The following PLXNA4 variants were observed in gnomAD, a reference collection of about 807,000 sequenced individuals.
PLXNA4 encodes the protein plexin-A4.
A neutral mutation model predicts 191.8 loss-of-function variants in PLXNA4; 44 were observed. The ratio of observed to expected loss-of-function variants is 0.23; its 90% CI spans 0.18 to 0.29. The LOEUF is 0.29. Ranked by LOEUF, PLXNA4 falls within the 10% of genes least tolerant of loss-of-function variation. The pLI, the probability that PLXNA4 is intolerant of heterozygous loss-of-function variation, is 1.00. For synonymous variants in PLXNA4, 1,082 were observed against 1,009.5 expected, an observed-to-expected ratio of 1.07 and a Z score of -1.36; for missense variants, 1,800 against 2,488.8, an observed-to-expected ratio of 0.72 and a Z score of 5.89.
intron 30 of PLXNA4, among the ~76,000 whole-genome samples, chr7:132,134,405 T>G (rs924143028): frequency 1.3e-5 from 2 of 152,144 alleles, no homozygotes; most frequent in Non-Finnish European, 2.9e-5. Flanking sequence ...ATCTCAGTCA[T>G]CAGCTCAAGG....
At chr7:132,437,407 T>A (rs954603240) in intron 3 of PLXNA4, among the ~76,000 whole-genome samples, 1 of 152,124 alleles carries the variant, frequency 6.6e-6, no homozygotes. Context: ...TGTGTGTGCA[T>A]GTTTGCATGC....
Position 132,201,346 on chromosome 7 carries a change from G to A in PLXNA4, c.2586+1300C>T, listed in dbSNP as rs73723733. ...GCAGCCCTGGGACCCTAATAGAACA[G>A]GTAGTTGTTTGGACTGACAAGGTAA... On this transcript the variant is annotated intron_variant, in intron 12 of 31. Transcript: ENST00000321063. Among the ~76,000 whole-genome samples, 1,235 of 152,272 alleles carry A rather than the reference G, an allele frequency of 8.1e-3. 22 individuals carry two copies. The highest frequency in any genetic ancestry group is 0.028 in the African/African-American group (1,165 of 41,542).
chr7:132,189,087 C>T (rs1197799222), intron 14 of PLXNA4, among the ~76,000 whole-genome samples: 2 of 140,248 alleles, frequency 1.4e-5, no homozygotes, highest in East Asian at 4.2e-4. Context: ...ACACAGGCTT[C>T]GATGCAGGGA....
intron 4 of PLXNA4, among the ~76,000 whole-genome samples, chr7:132,287,724 TG>T (rs948058476): frequency 2.6e-5 from 4 of 151,914 alleles, no homozygotes; most frequent in African/African-American, 7.3e-5. Context: ...AAAAAAACAG[TG>T]GGGGTGGTGG....
At chr7:132,173,345 T>G (rs372151062) in intron 21 of PLXNA4, among the ~76,000 whole-genome samples, 1 of 151,774 alleles carries the variant, frequency 6.6e-6, no homozygotes, top group Non-Finnish European at 1.5e-5. Flanking sequence ...GTTATGTTTT[T>G]ATTTATGCAC....
intron 4 of PLXNA4, among the ~76,000 whole-genome samples, chr7:132,261,441 T>C (rs117713945): frequency 0.011 from 1,728 of 152,348 alleles, 15 homozygotes; most frequent in Non-Finnish European, 0.015. Context: ...AATCCAGATG[T>C]GCCCAGGCCC....
chr7:132,612,259 A>G (rs909881918), intron 2 of PLXNA4, among the ~76,000 whole-genome samples: 8 of 152,146 alleles, frequency 5.3e-5, no homozygotes, highest in Non-Finnish European at 8.8e-5. Flanking sequence ...GCATTGTGTG[A>G]CCTCGAAAAA....
Position 132,563,918 on chromosome 7 carries a change from TCTC to T in PLXNA4, c.-87+12501_-87+12503del, listed in dbSNP as rs544155351. ...TCCTCCTCCTCCTTCTCCTCCTCCT[TCTC>T]CTCCTTTTCCTCGTCCTCCTCCTCC... On this transcript the variant is annotated intron_variant, in intron 1 of 31. Transcript: ENST00000321063. Among the ~76,000 whole-genome samples the T allele has an allele frequency of 1.6e-3, 151 of 95,602 alleles. 3 individuals carry two copies. Among genetic ancestry groups the T allele is most frequent in the African/African-American group, 5.8e-3 (138 of 23,886 alleles). The allele number at this position is 95,602 out of a possible 152,430, so 62.7% of individuals were successfully genotyped here. A position where few individuals can be genotyped will look rare whatever the true frequency, so the allele number is the denominator to read the frequency against.
At chr7:132,139,097 C>A (rs563777886) in intron 30 of PLXNA4, among the ~76,000 whole-genome samples, 2 of 152,154 alleles carry the variant, frequency 1.3e-5, no homozygotes, top group East Asian at 3.9e-4. Context: ...GAGGTGAGAG[C>A]CTGTCTAGGT....
intron 3 of PLXNA4, among the ~76,000 whole-genome samples, chr7:132,431,815 G>A (rs568985694): frequency 6.0e-4 from 92 of 152,316 alleles, no homozygotes; most frequent in Non-Finnish European, 1.2e-3. Context: ...ATAAGGGTAC[G>A]TGAGATAATG....
intron 20 of PLXNA4, 58 bp downstream of exon 20, chr7:132,179,629 C>T: frequency 1.9e-6 from 3 of 1,580,166 alleles, no homozygotes; most frequent in East Asian, 2.3e-5. Flanking sequence ...GATGTGCATG[C>T]ACACACATAT....
rs1802210159 is a variant in PLXNA4, at chr7:132,576,030, T to C, written c.-87+392A>G. 1.3e-5 allele frequency among the ~76,000 whole-genome samples: 2 copies of C among 152,148 alleles called. No homozygotes were observed. Among genetic ancestry groups the C allele is most frequent in the Non-Finnish European group, 1.5e-5 (1 of 68,024 alleles). On this transcript the variant is annotated intron_variant, in intron 1 of 31. Transcript: ENST00000321063. This position sits in a 1 kb window ranked among gnomAD's most constrained non-coding sequence, Gnocchi z 5.8. ...CGGAAACCTCTCAGGACTTCTCCCA[T>C]TTTAAAGCCCAGCTAGGGACGAAAG...
At chr7:132,571,841 T>C (rs1041117590) in intron 1 of PLXNA4, among the ~76,000 whole-genome samples, 14 of 152,132 alleles carry the variant, frequency 9.2e-5, no homozygotes, top group African/African-American at 3.4e-4. Context: ...CATTCATTCA[T>C]TTACTCATTT....
At chr7:132,295,960 T>C (rs902485548) in intron 4 of PLXNA4, among the ~76,000 whole-genome samples, 1 of 152,244 alleles carries the variant, frequency 6.6e-6, no homozygotes, top group Admixed American at 6.5e-5. Context: ...GTTAGGAACT[T>C]ACCAGAGACT....
intron 1 of PLXNA4, among the ~76,000 whole-genome samples, chr7:132,560,645 C>A (rs1193516866): frequency 2.6e-5 from 4 of 152,016 alleles, no homozygotes; most frequent in African/African-American, 9.7e-5. Context: ...CACATATGCC[C>A]CAATTCACCT....
At position 132,576,045 on chromosome 7, in the gene PLXNA4, A is replaced by G. The variant is rs1261709201; in HGVS notation, c.-87+377T>C. Among the ~76,000 whole-genome samples, 3 of 152,178 alleles carry G rather than the reference A, an allele frequency of 2.0e-5. No homozygotes were observed. The East Asian group carries it at 5.8e-4, about 29-fold the overall frequency. ...ACTTCTCCCATTTTAAAGCCCAGCTAGGGACGAAAGGGGCTGGGAGCTGAA... is the reference window on the plus strand; with the variant it reads ...ACTTCTCCCATTTTAAAGCCCAGCTGGGGACGAAAGGGGCTGGGAGCTGAA... On this transcript the variant is annotated intron_variant, in intron 1 of 31. Transcript: ENST00000321063. The surrounding 1 kb of genome is among the most constrained non-coding windows in gnomAD (Gnocchi z 5.8).
chr7:132,431,534 G>A (rs1345874986), intron 3 of PLXNA4, among the ~76,000 whole-genome samples: 1 of 152,170 alleles, frequency 6.6e-6, no homozygotes, highest in Non-Finnish European at 1.5e-5. Flanking sequence ...GGAGGGGGAA[G>A]ACGTGACTCA....
In PLXNA4 at chr7:132,257,123, C is replaced by T. The variant is rs534342446; in HGVS notation, c.1504-15957G>A. 8.5e-5 allele frequency among the ~76,000 whole-genome samples: 13 copies of T among 152,300 alleles called. No individual in the cohort carries two copies. In the East Asian group the frequency reaches 1.4e-3, roughly 16 times the overall value. ...CCTAACACAAGGTGTCTGTGACCAA[C>T]GGCTGCTCTATGACATGGCGCAGCC... On this transcript the variant is annotated intron_variant, in intron 4 of 31. Transcript: ENST00000321063.
intron 3 of PLXNA4, among the ~76,000 whole-genome samples, chr7:132,470,574 A>T (rs942838624): frequency 6.6e-6 from 1 of 152,204 alleles, no homozygotes; most frequent in African/African-American, 2.4e-5. Flanking sequence ...ACATGGCAAA[A>T]GGGACTTGGA....
Sources: gnomAD v4.1 joint callset for allele counts (sites outside exome capture counted in the v4.1 genomes callset) on GRCh38, gnomAD v4.1.1 for gene constraint, Gnocchi (gnomAD v3.1) non-coding constraint, MANE v1.5 for transcripts, NCBI Gene and HGNC (gene_info 2026-07-23, HGNC 2026-07-21) for gene names.